DUS2: variants seen among roughly 807,000 people sequenced by gnomAD.
DUS2 encodes dihydrouridine synthase 2, also known as tRNA-dihydrouridine(20) synthase [NAD(P)+]-like.
DUS2 carries 52 observed loss-of-function variants against 71.3 expected under a neutral mutation model. The observed-to-expected ratio is 0.73, with a 90% CI of 0.58 to 0.92. The LOEUF (loss-of-function observed/expected upper bound fraction) is 0.92. Ranked by LOEUF, DUS2 falls within the 40% of genes least tolerant of loss-of-function variation. The probability of loss-of-function intolerance (pLI) is 0.00; values close to 1 mark genes in which losing one functional copy is unlikely to be tolerated. For synonymous variants in DUS2, 204 were observed against 227.8 expected (o/e 0.90, Z 0.94); for missense variants, 558 against 622.6 (o/e 0.90, Z 1.10).
intron 3 of DUS2, among the ~76,000 whole-genome samples, chr16:68,046,039 A>T (rs900992282): frequency 6.6e-6 from 1 of 152,122 alleles, no homozygotes; most frequent in African/African-American, 2.4e-5. Context: ...TTAATTTTAA[A>T]ATTTATTCTT....
intron 8 of DUS2, 102 bp from the exon 9 acceptor site, chr16:68,066,215 C>G: frequency 3.8e-6 from 4 of 1,058,670 alleles, no homozygotes; most frequent in Admixed American, 1.7e-5. Flanking sequence ...GCAAACTGTT[C>G]ATGCCACCGG....
chr16:68,066,244 G>T (rs1314228386), intron 8 of DUS2, 73 bp from the exon 9 acceptor site: 36 of 1,350,294 alleles, frequency 2.7e-5, no homozygotes, highest in Middle Eastern at 1.8e-4. Context: ...GCCTGTAGCG[G>T]AGTTAATTAG....
intron 1 of DUS2, among the ~76,000 whole-genome samples, chr16:68,025,190 TC>T (rs1469281866): frequency 6.6e-6 from 1 of 152,012 alleles, no homozygotes; most frequent in African/African-American, 2.4e-5. Context: ...TCCAAATAGT[TC>T]CTTGGGGCCA....
chr16:68,056,554 T>C (rs1171443565), intron 7 of DUS2, 130 bp downstream of exon 7: 3 of 687,302 alleles, frequency 4.4e-6, no homozygotes, highest in East Asian at 5.4e-5. Context: ...CAAAAAGATA[T>C]CGTTAGATGA....
At chr16:68,026,149 C>G (rs1034873971) in intron 2 of DUS2, among the ~76,000 whole-genome samples, 14 of 152,272 alleles carry the variant, frequency 9.2e-5, no homozygotes, top group South Asian at 2.1e-4. Context: ...TGCTACCAAA[C>G]CCGGCTAATT....
At chr16:68,027,288 G>C (rs2033365538) in intron 2 of DUS2, among the ~76,000 whole-genome samples, 1 of 151,032 alleles carries the variant, frequency 6.6e-6, no homozygotes, top group Non-Finnish European at 1.5e-5. Context: ...GCCCAGGCTA[G>C]AGTGCAGTGG....
intron 2 of DUS2, among the ~76,000 whole-genome samples, chr16:68,026,027 G>A (rs2033343799): frequency 6.6e-6 from 1 of 152,158 alleles, no homozygotes; most frequent in Non-Finnish European, 1.5e-5. Flanking sequence ...GTCTTGCTCT[G>A]TCACCCAGGC....
chr16:68,047,788 T>G lies in DUS2; in HGVS notation c.127-1717T>G, dbSNP rs913832012. ...ATGAGCCACCGTGCTGGCGTGTTTT[T>G]TTTTTTTTTTTGAGACAGGTGTCAC... On this transcript the variant is annotated intron_variant, in intron 3 of 16. Transcript: ENST00000565263. 4.9e-3 allele frequency among the ~76,000 whole-genome samples: 739 copies of G among 151,688 alleles called. 8 individuals are homozygous for G. The highest frequency in any genetic ancestry group is 0.017 in the African/African-American group (700 of 41,378).
chr16:68,035,391 CT>C (rs202033773), intron 2 of DUS2, among the ~76,000 whole-genome samples: 18,808 of 146,102 alleles, frequency 0.13, 1,199 homozygotes, highest in South Asian at 0.2. Context: ...CTGTGTTTTC[CT>C]TTTTTTTTTT....
At chr16:68,042,622 A>G (rs2033646947) in intron 3 of DUS2, among the ~76,000 whole-genome samples, 1 of 152,066 alleles carries the variant, frequency 6.6e-6, no homozygotes, top group Non-Finnish European at 1.5e-5. Flanking sequence ...GGATCCTCCT[A>G]CTTCAGCCTC....
intron 2 of DUS2, among the ~76,000 whole-genome samples, chr16:68,032,965 G>C (rs1272748402): frequency 6.6e-6 from 1 of 151,758 alleles, no homozygotes; most frequent in East Asian, 1.9e-4. Context: ...CGAGAGGGAG[G>C]GTGAGAGAGA....
At chr16:68,023,893 T>C (rs996243561) in intron 1 of DUS2, 2 of 167,240 alleles carry the variant, frequency 1.2e-5, no homozygotes, top group Non-Finnish European at 2.9e-5. Flanking sequence ...CAACTTCTCA[T>C]CCAGAACCCA....
chr16:68,052,210 G>A (rs1294042499), intron 4 of DUS2, among the ~76,000 whole-genome samples: 3 of 152,042 alleles, frequency 2.0e-5, no homozygotes, highest in African/African-American at 7.2e-5. Flanking sequence ...CCAGCCACTT[G>A]GGACCATTTT....
At chr16:68,075,571 C>A in intron 14 of DUS2, 67 bp downstream of exon 14, 1 of 1,475,962 alleles carries the variant, frequency 6.8e-7, no homozygotes. Flanking sequence ...TGGGCCAGCA[C>A]ACTGGCTGCT....
At chr16:68,044,044 C>G (rs1438609147) in intron 3 of DUS2, among the ~76,000 whole-genome samples, 1 of 152,180 alleles carries the variant, frequency 6.6e-6, no homozygotes, top group Non-Finnish European at 1.5e-5. Flanking sequence ...TTACGCTGGT[C>G]TGTATGTCTA....
At chr16:68,047,574 C>T (rs1199898489) in intron 3 of DUS2, among the ~76,000 whole-genome samples, 2 of 151,558 alleles carry the variant, frequency 1.3e-5, no homozygotes, top group Non-Finnish European at 2.9e-5. Flanking sequence ...ACCTCCGCCT[C>T]CCTGGTTCAA....
chr16:68,036,729 TGC>T (rs2033535521), intron 2 of DUS2, among the ~76,000 whole-genome samples: 1 of 152,230 alleles, frequency 6.6e-6, no homozygotes, highest in African/African-American at 2.4e-5. Context: ...TGTGAGCCAC[TGC>T]GCCTGACCAC....
intron 1 of DUS2, among the ~76,000 whole-genome samples, chr16:68,024,941 C>T (rs752261500): frequency 1.5e-3 from 222 of 151,728 alleles, no homozygotes; most frequent in Non-Finnish European, 1.6e-3. Flanking sequence ...AAGGGATTCT[C>T]CTGCATCAGC....
chr16:68,073,145 C>T lies in DUS2; in HGVS notation c.811-889C>T, dbSNP rs555030373. Among the ~76,000 whole-genome samples the T allele has an allele frequency of 5.9e-5, 9 of 152,320 alleles. No homozygotes were observed. The East Asian group carries it at 7.7e-4, about 13-fold the overall frequency. On this transcript the variant is annotated intron_variant, in intron 12 of 16. Coordinates refer to ENST00000565263, the MANE Select transcript of DUS2 (RefSeq NM_017803.5). ...GAAGCAGGAAGGGGCTCCCGCACTTCGAGACCTCAGTCAGGCTGTCCAGGA... is the reference window on the plus strand; with the variant it reads ...GAAGCAGGAAGGGGCTCCCGCACTTTGAGACCTCAGTCAGGCTGTCCAGGA...
Sources: allele counts gnomAD v4.1 joint callset (sites outside exome capture counted in the v4.1 genomes callset), GRCh38; gene constraint gnomAD v4.1.1; transcripts MANE v1.5; gene names NCBI Gene and HGNC (gene_info 2026-07-23, HGNC 2026-07-21).